Variants in VARS1 observed in about 807,000 individuals in gnomAD.
The protein encoded by VARS1 is valine--tRNA ligase.
Under a neutral mutation model 161.0 loss-of-function variants are expected in VARS1, and 92 were observed. The ratio of observed to expected loss-of-function variants is 0.57; its 90% confidence interval spans 0.48 to 0.68. The LOEUF (loss-of-function observed/expected upper bound fraction) is 0.68, where lower values mean the gene tolerates loss of function less well. Among genes scored for constraint, VARS1 ranks in the 30% least tolerant of loss-of-function variants. The pLI, the probability that VARS1 is intolerant of heterozygous loss-of-function variation, is 0.00. For missense variants in VARS1, 1,338 were observed against 1,695.9 expected (o/e 0.79, Z 3.71); for synonymous variants, 595 against 682.5 (o/e 0.87, Z 2.00).
rs1410839270 is a variant in VARS1 at position 31,781,657 on chromosome 6, CCT to C, written c.2418+32_2418+33del. On this transcript the variant is annotated intron_variant, in intron 20 of 29. Transcript: ENST00000375663. The surrounding 1 kb of genome is among the most constrained non-coding windows in gnomAD (Gnocchi z 6.8). ...GGAGCCAACACCCACCCTCCAGTCC[CCT>C]GTCCCGCCAAGCCCCGGCCCCAGGA... 1 of 1,612,926 alleles carries C rather than the reference CCT, an allele frequency of 6.2e-7. No homozygotes were observed. Among genetic ancestry groups the C allele is most frequent in the South Asian group, 1.1e-5 (1 of 91,080 alleles).
In VARS1 at chr6:31,785,825, CTAAA is replaced by C; in HGVS notation, c.1101-96_1101-93del. The C allele has an allele frequency of 1.4e-6, 2 of 1,478,584 alleles. No individual in the cohort carries two copies. Among genetic ancestry groups the C allele is most frequent in the Non-Finnish European group, 1.8e-6 (2 of 1,115,072 alleles). 91.6% of individuals were successfully genotyped at this position (1,478,584 alleles called of 1,614,324 possible). On this transcript the variant is annotated intron_variant, in intron 8 of 29. Coordinates refer to ENST00000375663, the MANE Select transcript of VARS1 (RefSeq NM_006295.3). The surrounding 1 kb of genome is among the most constrained non-coding windows in gnomAD (Gnocchi z 6.1). ...AGGCTTCAGGCAAGGAGTCAGTGGA[CTAAA>C]TAAAGAAGCAGGGAGGCCGGACGCG...
chr6:31,792,578 A>G, intron 4 of VARS1, 62 bp from the exon 5 acceptor site: 3 of 1,610,814 alleles, frequency 1.9e-6, no homozygotes, highest in South Asian at 2.2e-5. Context: ...CGGCCATACT[A>G]GGTTTCAGAT....
Position 31,792,904 on chromosome 6 carries a change from G to A in VARS1, c.523-9C>T. On this transcript the variant is annotated splice_polypyrimidine_tract_variant and intron_variant, in intron 3 of 29. Transcript: ENST00000375663. ...GCAGGTGGGTCTAGGACCTGGAACA[G>A]GAAATAAATGACTCTTCTCAGTCAC... 1.2e-6 allele frequency: 2 copies of A among 1,614,164 alleles called. No individual in the cohort carries two copies. Among genetic ancestry groups the A allele is most frequent in the Non-Finnish European group, 1.7e-6 (2 of 1,180,026 alleles).
chr6:31,780,395 C>T lies in VARS1; in HGVS notation c.2925+46G>A, dbSNP rs1318938771. On this transcript the variant is annotated intron_variant, in intron 25 of 29. Transcript: ENST00000375663. This position sits in a 1 kb window ranked among gnomAD's most constrained non-coding sequence, Gnocchi z 5.1. ...ATGGAGGCTGCTCCGGACAGGGGTA[C>T]AGCCTGTGTGAGTGCTGCCAGCTTT... The T allele has an allele frequency of 1.3e-6, 2 of 1,595,582 alleles. No individual in the cohort carries two copies. Among genetic ancestry groups the T allele is most frequent in the Admixed American group, 1.7e-5 (1 of 58,824 alleles).
At position 31,784,962 on chromosome 6, in the gene VARS1, C is replaced by A. The variant is rs753713609; in HGVS notation, c.1348-248G>T. Among the ~76,000 whole-genome samples the A allele has an allele frequency of 6.6e-6, 1 of 152,184 alleles. No homozygotes were observed. The highest frequency in any genetic ancestry group is 2.4e-5 in the African/African-American group (1 of 41,442). On this transcript the variant is annotated intron_variant, in intron 10 of 29. Coordinates refer to ENST00000375663, the MANE Select transcript of VARS1 (RefSeq NM_006295.3). The surrounding 1 kb of genome is among the most constrained non-coding windows in gnomAD (Gnocchi z 6.1). ...AATCAGCTGGGGACAAGTACTGGTG[C>A]AGAGGACACTGGGAGTTCAGGCTCC...
Position 31,779,836 on chromosome 6 carries a change from G to A in VARS1, c.3082-22C>T, listed in dbSNP as rs1813014337. ...ACTCCTAGGGGACGAGAGGTACAGG[G>A]CTCACGGCTGGAGGTCTAGCCTTGA... On this transcript the variant is annotated intron_variant, in intron 26 of 29. Coordinates refer to ENST00000375663, the MANE Select transcript of VARS1 (RefSeq NM_006295.3). This position sits in a 1 kb window ranked among gnomAD's most constrained non-coding sequence, Gnocchi z 9.1. 8 of 1,612,024 alleles carry A rather than the reference G, an allele frequency of 5.0e-6. No homozygotes were observed. Among genetic ancestry groups the A allele is most frequent in the Non-Finnish European group, 6.8e-6 (8 of 1,179,392 alleles).
rs1308988614 is a variant in VARS1, at chr6:31,793,124, G to A, written c.388-4C>T. Reference sequence around the variant, plus strand: ...TGCCCAGGGCCCCCAGCACAGCCTGGCAGGAAGGGGAAGAAGTGTGAGACA... The same window carrying A: ...TGCCCAGGGCCCCCAGCACAGCCTGACAGGAAGGGGAAGAAGTGTGAGACA... On this transcript the variant is annotated splice_polypyrimidine_tract_variant and splice_region_variant and intron_variant, in intron 2 of 29. Transcript: ENST00000375663. 1 of 1,585,582 alleles carries A rather than the reference G, an allele frequency of 6.3e-7. No individual in the cohort carries two copies. Among genetic ancestry groups the A allele is most frequent in the African/African-American group, 1.4e-5 (1 of 72,986 alleles).
intron 13 of VARS1, among the ~76,000 whole-genome samples, chr6:31,783,630 A>G (rs1261172278): frequency 6.6e-6 from 1 of 150,578 alleles, no homozygotes; most frequent in Non-Finnish European, 1.5e-5. Flanking sequence ...CAAGATCAGC[A>G]TGGTTAACAG....
At position 31,779,548 on chromosome 6, in the gene VARS1, A is replaced by G; in HGVS notation, c.3289-12T>C. 2.5e-6 allele frequency: 4 copies of G among 1,579,794 alleles called. No homozygotes were observed. Among genetic ancestry groups the G allele is most frequent in the Non-Finnish European group, 2.6e-6 (3 of 1,153,952 alleles). ...TCCTTCCAGGAGCACTGTGGGGTGG[A>G]GGAGGGGGTGAGGGGGCCTGGAGGG... On this transcript the variant is annotated splice_polypyrimidine_tract_variant and intron_variant, in intron 27 of 29. Transcript: ENST00000375663. This position sits in a 1 kb window ranked among gnomAD's most constrained non-coding sequence, Gnocchi z 9.1.
rs184130589 is a variant in VARS1, at chr6:31,780,336, G to C, written c.2925+105C>G. 1.5e-4 allele frequency: 222 copies of C among 1,506,562 alleles called. No individual in the cohort carries two copies. Among genetic ancestry groups the C allele is most frequent in the Non-Finnish European group, 1.9e-4 (217 of 1,116,690 alleles). The allele number at this position is 1,506,562 out of a possible 1,614,324, so 93.3% of individuals were successfully genotyped here. ...AATGCGCTGGGCTTTCCCTTTAACT[G>C]TCTGTCTCTGTGTCTATCTGTCCCC... On this transcript the variant is annotated intron_variant, in intron 25 of 29. Coordinates refer to ENST00000375663, the MANE Select transcript of VARS1 (RefSeq NM_006295.3). The surrounding 1 kb of genome is among the most constrained non-coding windows in gnomAD (Gnocchi z 5.1).
rs1562293631 is a variant in VARS1 at position 31,780,016 on chromosome 6, C to G, written c.3063G>C (p.Glu1021Asp). 1.2e-6 allele frequency: 2 copies of G among 1,614,048 alleles called. No homozygotes were observed. The highest frequency in any genetic ancestry group is 8.5e-7 in the Non-Finnish European group (1 of 1,180,016). Residue 1021 changes from glutamate (E) to aspartate (D), a missense_variant, in exon 26 of 30, where the codon GAG (glutamate) becomes GAC (aspartate). Physicochemically the swap from Glu to Asp is conservative, Grantham distance 45 (BLOSUM62 2). Transcript: ENST00000375663. This position sits in a 1 kb window ranked among gnomAD's most constrained non-coding sequence, Gnocchi z 5.1. ...TTAQYSFWLY[E>D]LCDVYLECLK... ...TTCTCACCAAGTAGACATCACAGAG[C>G]TCATAGAGCCAGAAGCTGTACTGGG... is the stretch of plus-strand genomic sequence containing the variant.
In VARS1 at chr6:31,791,525, G is replaced by A. The variant is rs1296378012; in HGVS notation, c.1100+85C>T. 46 of 1,515,402 alleles carry A rather than the reference G, an allele frequency of 3.0e-5. No homozygotes were observed. Among genetic ancestry groups the A allele is most frequent in the Non-Finnish European group, 3.9e-5 (44 of 1,132,540 alleles). The allele number at this position is 1,515,402 out of a possible 1,614,324, so 93.9% of individuals were successfully genotyped here. On this transcript the variant is annotated intron_variant, in intron 8 of 29. Transcript: ENST00000375663. This position sits in a 1 kb window ranked among gnomAD's most constrained non-coding sequence, Gnocchi z 5.0. ...GCAGAAGTGAGCACCAACCCAGAAG[G>A]AGAGAGGCTCGGGGGGCTGTCAGGG...
Position 31,792,449 on chromosome 6 carries a change from C to G in VARS1, c.729G>C (p.Lys243Asn). The change falls in exon 5 of 30, where the codon AAG becomes AAC. Residue 243 changes from lysine to asparagine, a missense_variant. Coordinates refer to ENST00000375663, the MANE Select transcript of VARS1 (RefSeq NM_006295.3). ...QLKKEAKKRE[K>N]LEKFQQKQKI... Reference sequence around the variant, plus strand: ...TCTGCTTCTGTTGGAATTTCTCTAGCTTCTCCCGTTTCTTTGCCTCTTTCT... The same window carrying G: ...TCTGCTTCTGTTGGAATTTCTCTAGGTTCTCCCGTTTCTTTGCCTCTTTCT... 6.2e-7 allele frequency: 1 copy of G among 1,614,058 alleles called. No homozygotes were observed. Among genetic ancestry groups the G allele is most frequent in the Non-Finnish European group, 8.5e-7 (1 of 1,180,004 alleles).
intron 8 of VARS1, among the ~76,000 whole-genome samples, chr6:31,788,280 T>C (rs920212136): frequency 3.3e-5 from 5 of 151,618 alleles, no homozygotes; most frequent in Non-Finnish European, 7.4e-5. Context: ...AGCGGGAGGA[T>C]CACAAGGTCA....
At chr6:31,786,907 G>A (rs1813544262) in intron 8 of VARS1, among the ~76,000 whole-genome samples, 1 of 151,850 alleles carries the variant, frequency 6.6e-6, no homozygotes, top group Non-Finnish European at 1.5e-5. Flanking sequence ...CTTACCAATA[G>A]TCACAAAAAG....
In VARS1 at chr6:31,791,314, C is replaced by T. The variant is rs1469318681; in HGVS notation, c.1100+296G>A. 1.3e-5 allele frequency among the ~76,000 whole-genome samples: 2 copies of T among 151,680 alleles called. No individual in the cohort carries two copies. Among genetic ancestry groups the T allele is most frequent in the Non-Finnish European group, 2.9e-5 (2 of 67,916 alleles). On this transcript the variant is annotated intron_variant, in intron 8 of 29. Transcript: ENST00000375663. The surrounding 1 kb of genome is among the most constrained non-coding windows in gnomAD (Gnocchi z 5.0). ...ATCACTTGAGCCAGGAGTTGGAGAC[C>T]AGACTGAGCAACAAAGTGAAAACTC...
At position 31,779,089 on chromosome 6, in the gene VARS1, C is replaced by T. The variant is rs1215634991; in HGVS notation, c.3604G>A (p.Gly1202Ser). The stretch of plus-strand genomic sequence containing the variant: ...TCAACTCGCTTGGCTTGCAGCTTGC[C>T]CAGCTCCCGTGCAGGGTCCACCAGC... ...QGLVDPAREL[G>S]KLQAKRVEAQ... Residue 1202 changes from glycine (G) to serine (S), a missense_variant, in exon 29 of 30, where the codon GGC becomes AGC. Physicochemically the swap from Gly to Ser is moderately conservative, Grantham distance 56. Around this residue, in one of 3 missense-constraint regions of VARS1, gnomAD observed 433 missense variants for 586.2 expected, o/e 0.74. Coordinates refer to ENST00000375663, the MANE Select transcript of VARS1 (RefSeq NM_006295.3). The surrounding 1 kb of genome is among the most constrained non-coding windows in gnomAD (Gnocchi z 9.1). 39 of 1,611,742 alleles carry T rather than the reference C, an allele frequency of 2.4e-5. No homozygotes were observed. The highest frequency in any genetic ancestry group is 3.2e-5 in the Non-Finnish European group (38 of 1,179,524).
Position 31,784,208 on chromosome 6 carries a change from C to T in VARS1, c.1671+6G>A. On this transcript the variant is annotated splice_donor_region_variant and intron_variant, in intron 13 of 29. Transcript: ENST00000375663. This position sits in a 1 kb window ranked among gnomAD's most constrained non-coding sequence, Gnocchi z 6.1. ...ACTCCTTCCCTAACTGTGGACAGTC[C>T]CCCACCTGGTATCTGGTATCTTTGG... is the stretch of plus-strand genomic sequence containing the variant. 6.2e-7 allele frequency: 1 copy of T among 1,614,134 alleles called. No individual in the cohort carries two copies.
rs1192292958 is a variant in VARS1, at chr6:31,795,366, T to C, written c.-33-116A>G. 1 of 673,322 alleles carries C rather than the reference T, an allele frequency of 1.5e-6. No homozygotes were observed. The highest frequency in any genetic ancestry group is 1.9e-5 in the African/African-American group (1 of 53,884). 41.7% of individuals were successfully genotyped at this position (673,322 alleles called of 1,614,324 possible). A position where few individuals can be genotyped will look rare whatever the true frequency, so the allele number is the denominator to read the frequency against. ...CGCAGACACCCGAGTCCCATAGGAC[T>C]GAGGGTCTGACCAGGCAGGCTGTCA... On this transcript the variant is annotated intron_variant, in intron 1 of 29. Transcript: ENST00000375663. This position sits in a 1 kb window ranked among gnomAD's most constrained non-coding sequence, Gnocchi z 6.9.
Sources: allele counts gnomAD v4.1 joint callset (sites outside exome capture counted in the v4.1 genomes callset), GRCh38; gene constraint gnomAD v4.1.1; regional missense constraint gnomAD v4.1.1; non-coding constraint Gnocchi (gnomAD v3.1); transcripts MANE v1.5; gene names NCBI Gene and HGNC (gene_info 2026-07-23, HGNC 2026-07-21).